Variants in GABRB2 observed in about 807,000 individuals in gnomAD.
The protein encoded by GABRB2 is gamma-aminobutyric acid type A receptor subunit beta2.
Under a neutral mutation model 54.7 loss-of-function variants are expected in GABRB2, and 16 were observed. The observed-to-expected ratio is 0.29, with a 90% confidence interval of 0.20 to 0.44. The LOEUF (loss-of-function observed/expected upper bound fraction) is 0.44, where lower values mean the gene tolerates loss of function less well. GABRB2 is among the 20% of genes least tolerant of loss of function. The probability of loss-of-function intolerance (pLI) is 1.00; values close to 1 mark genes in which losing one functional copy is unlikely to be tolerated. For missense variants in GABRB2, 355 were observed against 644.0 expected, an observed-to-expected ratio of 0.55 and a Z score of 4.86; for synonymous variants, 244 against 233.8, an observed-to-expected ratio of 1.04 and a Z score of -0.40.
At chr5:161,413,421 T>C (rs111336055) in intron 4 of GABRB2, among the ~76,000 whole-genome samples, 1,587 of 152,264 alleles carry the variant, frequency 0.01, 35 homozygotes, top group South Asian at 0.05. Flanking sequence ...TTCAATGGGA[T>C]TTACCAAATT....
chr5:161,383,540 AATTG>A (rs1326464879), intron 5 of GABRB2, among the ~76,000 whole-genome samples: 8 of 152,120 alleles, frequency 5.3e-5, no homozygotes, highest in Non-Finnish European at 8.8e-5. Flanking sequence ...ACCACTTATT[AATTG>A]ATTAAAATTA....
At chr5:161,448,337 T>C (rs1210138653) in intron 4 of GABRB2, among the ~76,000 whole-genome samples, 1 of 152,036 alleles carries the variant, frequency 6.6e-6, no homozygotes, top group African/African-American at 2.4e-5. Context: ...GTAGGAGGTT[T>C]GCTAGAGACC....
rs537938984 is a variant in GABRB2, at chr5:161,300,366, G to A, written c.1192-5938C>T. Among the ~76,000 whole-genome samples the A allele has an allele frequency of 1.4e-3, 213 of 151,884 alleles. 1 individual carries two copies. The highest frequency in any genetic ancestry group is 5.0e-3 in the African/African-American group (208 of 41,404). On this transcript the variant is annotated intron_variant, in intron 9 of 9. Transcript: ENST00000393959. ...TATTTTTAATTTTTACTTTTTTGGAGGCCTACTACACCACAGCAGAACAGC... is the reference window on the plus strand; with the variant it reads ...TATTTTTAATTTTTACTTTTTTGGAAGCCTACTACACCACAGCAGAACAGC...
intron 5 of GABRB2, among the ~76,000 whole-genome samples, chr5:161,376,303 GCTGA>G (rs1755294663): frequency 6.6e-6 from 1 of 152,078 alleles, no homozygotes; most frequent in Non-Finnish European, 1.5e-5. Flanking sequence ...GAGCAATGGA[GCTGA>G]CTTTCTATAC....
At chr5:161,386,424 T>C (rs1405781989) in intron 5 of GABRB2, among the ~76,000 whole-genome samples, 1 of 152,154 alleles carries the variant, frequency 6.6e-6, no homozygotes, top group Non-Finnish European at 1.5e-5. Flanking sequence ...ATACAGACCT[T>C]ATTCCTCATA....
In GABRB2 at chr5:161,482,895, C is replaced by T. The variant is rs146298893; in HGVS notation, c.238-23051G>A. 9.5e-4 allele frequency among the ~76,000 whole-genome samples: 144 copies of T among 152,144 alleles called. 1 individual carries two copies. Among genetic ancestry groups the T allele is most frequent in the Middle Eastern group, 6.8e-3 (2 of 294 alleles). Reference sequence around the variant, plus strand: ...CTTTCACAGAATATTTCCTACCTGTCTGTGCTAGGATTTTACATATCATCA... The same window carrying T: ...CTTTCACAGAATATTTCCTACCTGTTTGTGCTAGGATTTTACATATCATCA... On this transcript the variant is annotated intron_variant, in intron 3 of 9. Transcript: ENST00000393959.
chr5:161,348,902 G>A (rs1754390672), intron 5 of GABRB2, among the ~76,000 whole-genome samples: 1 of 151,944 alleles, frequency 6.6e-6, no homozygotes, highest in Non-Finnish European at 1.5e-5. Context: ...GGAAACTAAT[G>A]CATTTGTATA....
chr5:161,506,581 T>TAG (rs1759612570), intron 3 of GABRB2, among the ~76,000 whole-genome samples: 1 of 152,152 alleles, frequency 6.6e-6, no homozygotes, highest in Non-Finnish European at 1.5e-5. Context: ...TTATATATTA[T>TAG]CTATGGCTAT....
chr5:161,516,665 A>T (rs555603547), intron 3 of GABRB2, among the ~76,000 whole-genome samples: 1 of 152,284 alleles, frequency 6.6e-6, no homozygotes, highest in South Asian at 2.1e-4. Flanking sequence ...TTATTGAAAA[A>T]GTTTATAAAT....
chr5:161,489,525 T>G (rs1759036677), intron 3 of GABRB2, among the ~76,000 whole-genome samples: 1 of 151,652 alleles, frequency 6.6e-6, no homozygotes, highest in Non-Finnish European at 1.5e-5. Context: ...AATGAGAGGA[T>G]CTAAACTCAA....
intron 5 of GABRB2, among the ~76,000 whole-genome samples, chr5:161,341,984 A>G (rs941214462): frequency 2.8e-5 from 3 of 108,318 alleles, no homozygotes. Flanking sequence ...CTTTATTATT[A>G]TTTTTTCTAG....
chr5:161,378,154 G>T (rs1057123345), intron 5 of GABRB2, among the ~76,000 whole-genome samples: 2 of 152,018 alleles, frequency 1.3e-5, no homozygotes, highest in Non-Finnish European at 2.9e-5. Context: ...TACTAGCTTT[G>T]TGTCTTAACA....
intron 5 of GABRB2, among the ~76,000 whole-genome samples, chr5:161,358,265 C>A (rs969806135): frequency 5.9e-5 from 9 of 152,170 alleles, no homozygotes; most frequent in South Asian, 4.2e-4. Flanking sequence ...ACAGATCATG[C>A]AAGATAACAC....
Position 161,427,590 on chromosome 5 carries a change from G to C in GABRB2, c.459-16533C>G, listed in dbSNP as rs531450457. 2.7e-5 allele frequency among the ~76,000 whole-genome samples: 4 copies of C among 147,788 alleles called. No homozygotes were observed. The South Asian group carries it at 6.3e-4, about 23-fold the overall frequency. On this transcript the variant is annotated intron_variant, in intron 4 of 9. Transcript: ENST00000393959. ...GAAGCAAATGCCTAAATCCTTTGCAGCCTCAGCACAACTTTGTTAATTTGG... is the reference window on the plus strand; with the variant it reads ...GAAGCAAATGCCTAAATCCTTTGCACCCTCAGCACAACTTTGTTAATTTGG...
At position 161,292,387 on chromosome 5, in the gene GABRB2, G is replaced by T. The variant is rs1389739733; in HGVS notation, c.*1694C>A. The T allele has an allele frequency of 6.6e-6, 1 of 152,068 alleles. No individual in the cohort carries two copies. Among genetic ancestry groups the T allele is most frequent in the African/African-American group, 2.4e-5 (1 of 41,420 alleles). The allele number at this position is 152,068 out of a possible 1,614,324, so 9.4% of individuals were successfully genotyped here. On this transcript the variant is annotated 3_prime_UTR_variant, in exon 10 of 10. Transcript: ENST00000393959. ...AAAGTTCAATCAAATTCAACTTTAA[G>T]GAAAATTTAGCAATTCACTATTTTC... is the stretch of plus-strand genomic sequence containing the variant.
intron 7 of GABRB2, among the ~76,000 whole-genome samples, chr5:161,333,168 C>A (rs6556547): frequency 0.092 from 14,044 of 151,938 alleles, 734 homozygotes; most frequent in East Asian, 0.16. Context: ...TTCCTGTAAT[C>A]GATACAAAAA....
chr5:161,443,840 G>C (rs1198433032), intron 4 of GABRB2, among the ~76,000 whole-genome samples: 2 of 152,136 alleles, frequency 1.3e-5, no homozygotes, highest in African/African-American at 4.8e-5. Flanking sequence ...AATGAGTAGA[G>C]CAGTAATTTA....
intron 3 of GABRB2, among the ~76,000 whole-genome samples, chr5:161,498,927 C>T (rs530455636): frequency 5.3e-5 from 8 of 152,280 alleles, no homozygotes; most frequent in African/African-American, 1.4e-4. Flanking sequence ...AAATAAAATG[C>T]TAAACCGTCA....
intron 5 of GABRB2, among the ~76,000 whole-genome samples, chr5:161,408,145 T>C (rs1485795092): frequency 6.6e-6 from 1 of 151,988 alleles, no homozygotes; most frequent in Admixed American, 6.6e-5. Context: ...AAATCTGAAA[T>C]ATGAAAGGCT....
Sources: gnomAD v4.1 joint callset for allele counts (sites outside exome capture counted in the v4.1 genomes callset) on GRCh38, gnomAD v4.1.1 for gene constraint, MANE v1.5 for transcripts, NCBI Gene and HGNC (gene_info 2026-07-23, HGNC 2026-07-21) for gene names.